Variants in TPTE2 observed in about 807,000 individuals in gnomAD.
The protein encoded by TPTE2 is transmembrane phosphoinositide 3-phosphatase and tensin homolog 2.
Under a neutral mutation model 78.6 loss-of-function variants are expected in TPTE2, and 53 were observed. That is an observed-to-expected ratio of 0.67 (90% CI 0.54 to 0.85). TPTE2 has a LOEUF of 0.85. TPTE2 is among the 40% of genes least tolerant of loss of function. The pLI, the probability that TPTE2 is intolerant of heterozygous loss-of-function variation, is 0.00. For missense variants in TPTE2, 461 were observed against 623.0 expected, an observed-to-expected ratio of 0.74 and a Z score of 2.77; for synonymous variants, 175 against 206.2, an observed-to-expected ratio of 0.85 and a Z score of 1.30.
chr13:19,442,475 G>A (rs1877562300), intron 13 of TPTE2, among the ~76,000 whole-genome samples: 1 of 151,948 alleles, frequency 6.6e-6, no homozygotes, highest in African/African-American at 2.4e-5. Flanking sequence ...AGAAAAGAGA[G>A]TGGCCAACAC....
intron 13 of TPTE2, among the ~76,000 whole-genome samples, chr13:19,440,595 C>G (rs1184156660): frequency 6.6e-6 from 1 of 151,912 alleles, no homozygotes; most frequent in Non-Finnish European, 1.5e-5. Context: ...CATAGTGAAA[C>G]TCCGTCTTTA....
chr13:19,560,648 G>T, the TPTE2 span: 35 of 1,559,650 alleles, frequency 2.2e-5, 1 homozygote, highest in Middle Eastern at 4.6e-4. Context: ...GCAGGGTCGG[G>T]CAAGGCATAG....
intron 17 of TPTE2, among the ~76,000 whole-genome samples, chr13:19,428,625 T>TA (rs1160358519): frequency 3.4e-5 from 5 of 149,024 alleles, no homozygotes; most frequent in Admixed American, 6.7e-5. Context: ...CTACAAAAAA[T>TA]AAAAAAAATT....
exon 12 of TPTE2, chr13:19,450,273 G>A (rs1469998003): frequency 6.2e-7 from 1 of 1,611,078 alleles, no homozygotes. Context: ...TGTAGAGTGG[G>A]GACATTATGA....
At chr13:19,446,037 T>C (rs560405764) in intron 13 of TPTE2, among the ~76,000 whole-genome samples, 2 of 152,286 alleles carry the variant, frequency 1.3e-5, no homozygotes, top group South Asian at 2.1e-4. Context: ...TCACAATTTG[T>C]GTAGGAATGA....
chr13:19,493,567 T>C, intron 1 of TPTE2, 66 bp from the exon 5 acceptor site: 1 of 1,382,130 alleles, frequency 7.2e-7, no homozygotes, highest in South Asian at 1.2e-5. Context: ...TTTGGAAAAA[T>C]TACCTTTCAT....
intron 3 of TPTE2, among the ~76,000 whole-genome samples, chr13:19,490,992 C>A (rs1384576119): frequency 1.3e-5 from 2 of 152,162 alleles, no homozygotes; most frequent in African/African-American, 2.4e-5. Context: ...CCTCTTAAGA[C>A]CTATTCCTCT....
At chr13:19,485,728 TC>T (rs1880627760) in intron 3 of TPTE2, among the ~76,000 whole-genome samples, 1 of 152,164 alleles carries the variant, frequency 6.6e-6, no homozygotes, top group African/African-American at 2.4e-5. Context: ...TTCTTTTTTA[TC>T]CTTTTTTGCC....
chr13:19,445,767 C>G (rs1236614012), intron 13 of TPTE2, among the ~76,000 whole-genome samples: 17 of 151,656 alleles, frequency 1.1e-4, no homozygotes, highest in Admixed American at 1.1e-3. Flanking sequence ...CATGGCAAAA[C>G]CCCATCTCTA....
At chr13:19,461,310 T>C (rs918880130) in intron 10 of TPTE2, among the ~76,000 whole-genome samples, 11 of 152,116 alleles carry the variant, frequency 7.2e-5, no homozygotes, top group African/African-American at 2.7e-4. Flanking sequence ...TGACACATAA[T>C]ACTTGTTCAT....
chr13:19,494,912 C>T (rs1485885935), intron 1 of TPTE2, among the ~76,000 whole-genome samples: 3 of 152,190 alleles, frequency 2.0e-5, no homozygotes, highest in South Asian at 4.1e-4. Flanking sequence ...ACGTATATCA[C>T]TAAATTGACC....
chr13:19,499,259 C>T (rs1424559630), intron 1 of TPTE2, among the ~76,000 whole-genome samples: 2 of 151,914 alleles, frequency 1.3e-5, no homozygotes, highest in Admixed American at 1.3e-4. Flanking sequence ...AAGTCAACAA[C>T]GATACCCAGG....
At chr13:19,429,435 A>G (rs1350148615) in intron 17 of TPTE2, among the ~76,000 whole-genome samples, 1 of 152,260 alleles carries the variant, frequency 6.6e-6, no homozygotes, top group Non-Finnish European at 1.5e-5. Context: ...TGCCATTTGC[A>G]GAGGCAGAGA....
intron 3 of TPTE2, among the ~76,000 whole-genome samples, chr13:19,484,308 C>T (rs1029752980): frequency 6.6e-6 from 1 of 152,152 alleles, no homozygotes; most frequent in Non-Finnish European, 1.5e-5. Flanking sequence ...TTTTATTCCA[C>T]TGTGGTAAGA....
chr13:19,436,225 C>A lies in TPTE2; in HGVS notation c.1116+1G>T. 2 of 1,608,468 alleles carry A rather than the reference C, an allele frequency of 1.2e-6. No homozygotes were observed. The highest frequency in any genetic ancestry group is 1.7e-6 in the Non-Finnish European group (2 of 1,178,336). ...CTCCCATTTTTAAAAAGAAAACTTA[C>A]CTGAGAAGGAGTTTCTACTCCCTGA... On this transcript the variant is annotated splice_donor_variant, in intron 15 of 19. Coordinates refer to ENST00000400230, the Ensembl canonical transcript of TPTE2. LOFTEE classifies it high-confidence loss of function.
chr13:19,471,934 T>G (rs909653302), intron 6 of TPTE2, among the ~76,000 whole-genome samples: 1 of 152,216 alleles, frequency 6.6e-6, no homozygotes, highest in Non-Finnish European at 1.5e-5. Flanking sequence ...ATATTTTCAC[T>G]GGATACACTG....
chr13:19,434,865 C>A (rs1198355588), intron 15 of TPTE2, among the ~76,000 whole-genome samples: 1 of 152,172 alleles, frequency 6.6e-6, no homozygotes, highest in African/African-American at 2.4e-5. Context: ...GCAAGGGCTT[C>A]AGAGACTGAC....
At chr13:19,485,742 C>G (rs112765165) in intron 3 of TPTE2, among the ~76,000 whole-genome samples, 1 of 151,246 alleles carries the variant, frequency 6.6e-6, no homozygotes, top group African/African-American at 2.4e-5. Context: ...TTTTTGCCTG[C>G]CTGTGTTATT....
At chr13:19,511,952 G>A (rs1869477565) in intron 1 of TPTE2, among the ~76,000 whole-genome samples, 1 of 152,062 alleles carries the variant, frequency 6.6e-6, no homozygotes, top group African/African-American at 2.4e-5. Flanking sequence ...AGTTTTATGT[G>A]GAACAGGATA....
Sources: allele counts gnomAD v4.1 joint callset (sites outside exome capture counted in the v4.1 genomes callset), GRCh38; gene constraint gnomAD v4.1.1; transcripts MANE v1.5; gene names NCBI Gene and HGNC (gene_info 2026-07-23, HGNC 2026-07-21).